The following SLC22A9 variants were observed in gnomAD, a reference collection of about 807,000 sequenced individuals.
SLC22A9 encodes organic anion transporter 7.
In SLC22A9, 64 loss-of-function variants were observed where a neutral mutation model predicts 50.1. The ratio of observed to expected loss-of-function variants is 1.28; its 90% confidence interval spans 1.04 to 1.57. SLC22A9 has a LOEUF of 1.57. Ranked by LOEUF, SLC22A9 falls within the 40% of genes most tolerant of loss-of-function variation. The probability of loss-of-function intolerance (pLI) is 0.00; values close to 1 mark genes in which losing one functional copy is unlikely to be tolerated. For synonymous variants in SLC22A9, 261 were observed against 242.5 expected, an observed-to-expected ratio of 1.08 and a Z score of -0.71; for missense variants, 757 against 676.1, an observed-to-expected ratio of 1.12 and a Z score of -1.33.
At chr11:63,384,003 C>G (rs192175613) in intron 6 of SLC22A9, among the ~76,000 whole-genome samples, 1 of 150,106 alleles carries the variant, frequency 6.7e-6, no homozygotes, top group Admixed American at 6.6e-5. Flanking sequence ...GAGCTGAGAT[C>G]GTGCCACTGC....
chr11:63,408,308 G>T (rs1363974843), intron 8 of SLC22A9, 88 bp downstream of exon 8: 6 of 996,946 alleles, frequency 6.0e-6, no homozygotes, highest in Non-Finnish European at 9.3e-6. Flanking sequence ...TCTAAGACTG[G>T]TTCATTAAGA....
At chr11:63,376,735 C>T (rs186811423) in intron 5 of SLC22A9, among the ~76,000 whole-genome samples, 204 of 151,678 alleles carry the variant, frequency 1.3e-3, no homozygotes, top group African/African-American at 4.7e-3. Context: ...AAACATCACA[C>T]TTAAAAGACA....
chr11:63,396,492 G>C (rs1211244868), intron 6 of SLC22A9, among the ~76,000 whole-genome samples: 1 of 152,142 alleles, frequency 6.6e-6, no homozygotes, highest in Non-Finnish European at 1.5e-5. Flanking sequence ...GTTCAGGGGT[G>C]GAGGATCTCT....
chr11:63,396,040 C>T (rs1054986381), intron 6 of SLC22A9, among the ~76,000 whole-genome samples: 8 of 152,150 alleles, frequency 5.3e-5, no homozygotes, highest in African/African-American at 1.9e-4. Context: ...AAGAGCTGGT[C>T]TCACTCCCAT....
chr11:63,398,672 C>T (rs2014902424), intron 6 of SLC22A9, among the ~76,000 whole-genome samples: 1 of 152,172 alleles, frequency 6.6e-6, no homozygotes, highest in African/African-American at 2.4e-5. Flanking sequence ...CAAAGATGCC[C>T]TGCACCAGGC....
chr11:63,384,652 T>A (rs115366345), intron 6 of SLC22A9, among the ~76,000 whole-genome samples: 2,099 of 152,282 alleles, frequency 0.014, 59 homozygotes, highest in African/African-American at 0.047. Context: ...TTTGCGTATA[T>A]ACTCAGTAAT....
intron 6 of SLC22A9, among the ~76,000 whole-genome samples, chr11:63,390,430 G>C (rs1417024156): frequency 6.6e-6 from 1 of 152,046 alleles, no homozygotes; most frequent in Non-Finnish European, 1.5e-5. Flanking sequence ...TATTAGATTG[G>C]GAATCCTTTC....
At chr11:63,375,125 G>A (rs2014438060) in intron 4 of SLC22A9, among the ~76,000 whole-genome samples, 1 of 152,094 alleles carries the variant, frequency 6.6e-6, no homozygotes, top group Non-Finnish European at 1.5e-5. Flanking sequence ...AGCCCTACAA[G>A]GTAATATTCT....
At chr11:63,386,699 T>G (rs1167563831) in intron 6 of SLC22A9, among the ~76,000 whole-genome samples, 1 of 151,828 alleles carries the variant, frequency 6.6e-6, no homozygotes, top group Non-Finnish European at 1.5e-5. Flanking sequence ...TTGTGTCTAT[T>G]TGAGTCTTGT....
intron 6 of SLC22A9, among the ~76,000 whole-genome samples, chr11:63,396,525 G>A (rs925778052): frequency 1.3e-5 from 2 of 152,134 alleles, no homozygotes; most frequent in Admixed American, 6.5e-5. Flanking sequence ...TGCAGTTTGG[G>A]CACTCATCGT....
chr11:63,374,355 TC>T (rs1232545741), intron 4 of SLC22A9, among the ~76,000 whole-genome samples: 1 of 152,196 alleles, frequency 6.6e-6, no homozygotes, highest in East Asian at 1.9e-4. Flanking sequence ...ATATGAAATT[TC>T]ATTCACCTGA....
rs182720406 is a variant in SLC22A9, at chr11:63,395,378, A to T, written c.1074-11119A>T. 3.3e-5 allele frequency among the ~76,000 whole-genome samples: 5 copies of T among 152,172 alleles called. No homozygotes were observed. The East Asian group carries it at 9.7e-4, about 29-fold the overall frequency. ...TCTCATTTGGGTAGGTCTAGGGCTA[A>T]AGGCTGTTGTTCAGGTTATTTTGTC... On this transcript the variant is annotated intron_variant, in intron 6 of 9. Coordinates refer to ENST00000279178, the MANE Select transcript of SLC22A9 (RefSeq NM_080866.3).
In SLC22A9 at chr11:63,385,164, G is replaced by T. The variant is rs187216622; in HGVS notation, c.1073+2887G>T. On this transcript the variant is annotated intron_variant, in intron 6 of 9. Transcript: ENST00000279178. ...GCTCTTTAGTTTAATTAGATCCTATGGCCAATTTTTTTTTTGTTGCAGTTG... is the reference window on the plus strand; with the variant it reads ...GCTCTTTAGTTTAATTAGATCCTATTGCCAATTTTTTTTTTGTTGCAGTTG... Among the ~76,000 whole-genome samples the T allele has an allele frequency of 7.5e-3, 707 of 94,802 alleles. 7 individuals are homozygous for T. The highest frequency in any genetic ancestry group is 0.025 in the African/African-American group (642 of 25,462). The allele number at this position is 94,802 out of a possible 152,430, so 62.2% of individuals were successfully genotyped here.
chr11:63,395,046 AGCATTTT>A (rs2014829576), intron 6 of SLC22A9, among the ~76,000 whole-genome samples: 1 of 151,678 alleles, frequency 6.6e-6, no homozygotes, highest in African/African-American at 2.4e-5. Context: ...GGCTTTCCAG[AGCATTTT>A]GCATTTCTAT....
intron 6 of SLC22A9, among the ~76,000 whole-genome samples, chr11:63,395,544 G>A (rs548364694): frequency 6.6e-6 from 1 of 152,284 alleles, no homozygotes; most frequent in East Asian, 1.9e-4. Flanking sequence ...ACTGGGGATT[G>A]TCTGCAGAGT....
intron 6 of SLC22A9, among the ~76,000 whole-genome samples, chr11:63,386,434 CTTTTTTTTTTTTTTTTTTTTTT>C (rs71065364): frequency 3.0e-5 from 1 of 33,494 alleles, no homozygotes; most frequent in South Asian, 1.4e-3. Flanking sequence ...TGGACCTGGA[CTTTTTTTTTTTTTTTTTTTTTT>C]TTTTTTTTTT....
At chr11:63,396,592 G>A (rs530777588) in intron 6 of SLC22A9, among the ~76,000 whole-genome samples, 1 of 152,242 alleles carries the variant, frequency 6.6e-6, no homozygotes, top group Non-Finnish European at 1.5e-5. Context: ...AAGGGTCTGT[G>A]GGTCCTTTCA....
At chr11:63,396,188 C>T (rs1392123548) in intron 6 of SLC22A9, among the ~76,000 whole-genome samples, 2 of 152,144 alleles carry the variant, frequency 1.3e-5, no homozygotes, top group African/African-American at 2.4e-5. Flanking sequence ...GTCTGCAGGC[C>T]AAATTCGCAC....
At chr11:63,391,997 G>A (rs181858145) in intron 6 of SLC22A9, among the ~76,000 whole-genome samples, 140 of 151,834 alleles carry the variant, frequency 9.2e-4, no homozygotes, top group African/African-American at 3.3e-3. Context: ...TTCAATTTGA[G>A]GTTACCATGA....
Sources: gnomAD v4.1 joint callset for allele counts (sites outside exome capture counted in the v4.1 genomes callset) on GRCh38, gnomAD v4.1.1 for gene constraint, MANE v1.5 for transcripts, NCBI Gene and HGNC (gene_info 2026-07-23, HGNC 2026-07-21) for gene names.